VASH2: variants seen among roughly 807,000 people sequenced by gnomAD.
VASH2 encodes vasohibin 2.
VASH2 carries 28 observed loss-of-function variants against 37.2 expected under a neutral mutation model. That is an observed-to-expected ratio of 0.75 (90% CI 0.56 to 1.03). VASH2 has a LOEUF of 1.03. Among genes scored for constraint, VASH2 ranks in the 50% least tolerant of loss-of-function variants. The pLI, the probability that VASH2 is intolerant of heterozygous loss-of-function variation, is 0.00. For synonymous variants in VASH2, 188 were observed against 174.7 expected (o/e 1.08, Z -0.60); for missense variants, 419 against 459.1 (o/e 0.91, Z 0.80).
intron 2 of VASH2, among the ~76,000 whole-genome samples, chr1:212,953,235 G>GC (rs56389156): frequency 0.35 from 52,460 of 151,744 alleles, 10,958 homozygotes; most frequent in Non-Finnish European, 0.47. Flanking sequence ...GTGCGCGGGG[G>GC]GGGGTGCATT....
chr1:212,956,444 CG>C lies in VASH2; in HGVS notation c.276+4628del, dbSNP rs372913356. On this transcript the variant is annotated intron_variant, in intron 2 of 7. Coordinates refer to ENST00000517399, the MANE Select transcript of VASH2 (RefSeq NM_001301056.2). The stretch of plus-strand genomic sequence containing the variant: ...GATTGTGCCTTCATCAGCCTGGCCA[CG>C]GCTGTGGGGCTAACGTAGGCAGCAG... Among the ~76,000 whole-genome samples the C allele has an allele frequency of 1.9e-3, 285 of 152,256 alleles. 1 individual carries two copies. The highest frequency in any genetic ancestry group is 3.0e-3 in the Non-Finnish European group (205 of 68,018).
At chr1:212,962,064 G>A (rs993031413) in intron 3 of VASH2, among the ~76,000 whole-genome samples, 1 of 152,178 alleles carries the variant, frequency 6.6e-6, no homozygotes, top group Non-Finnish European at 1.5e-5. Context: ...TACATGAATG[G>A]TTCGGCTTCT....
chr1:212,968,475 CTG>C (rs1217320166), intron 5 of VASH2: 1 of 985,366 alleles, frequency 1.0e-6, no homozygotes, highest in Non-Finnish European at 1.2e-6. Flanking sequence ...AGGAGAATCT[CTG>C]TGCCTCTCTG....
At chr1:212,958,214 A>G (rs1345822867) in intron 2 of VASH2, among the ~76,000 whole-genome samples, 1 of 152,178 alleles carries the variant, frequency 6.6e-6, no homozygotes, top group Non-Finnish European at 1.5e-5. Flanking sequence ...TGGACCCTCC[A>G]GGCTGAGCCC....
intron 7 of VASH2, among the ~76,000 whole-genome samples, chr1:212,984,623 G>T (rs1667426555): frequency 6.6e-6 from 1 of 152,186 alleles, no homozygotes; most frequent in African/African-American, 2.4e-5. Flanking sequence ...GGTGTGACTT[G>T]GTGTTGAGGA....
At chr1:212,974,803 T>C (rs987577305) in intron 7 of VASH2, 2 of 152,262 alleles carry the variant, frequency 1.3e-5, no homozygotes, top group Admixed American at 6.5e-5. Flanking sequence ...GCTGGAACCA[T>C]GTGGCACAGT....
At chr1:212,986,015 G>T (rs1267330302) in intron 7 of VASH2, among the ~76,000 whole-genome samples, 1 of 152,110 alleles carries the variant, frequency 6.6e-6, no homozygotes, top group East Asian at 1.9e-4. Flanking sequence ...TGGATGTTGA[G>T]GGGCAACTAA....
intron 5 of VASH2, among the ~76,000 whole-genome samples, chr1:212,970,719 G>A (rs1249809367): frequency 6.6e-6 from 1 of 151,910 alleles, no homozygotes; most frequent in African/African-American, 2.4e-5. Flanking sequence ...GTGAAACCCC[G>A]TCTTTACTAA....
intron 7 of VASH2, among the ~76,000 whole-genome samples, chr1:212,985,250 A>G (rs1427137666): frequency 8.3e-6 from 1 of 120,914 alleles, no homozygotes; most frequent in Non-Finnish European, 1.6e-5. Context: ...CGTGGTGCCC[A>G]GGCTGGTCTG....
Position 212,951,728 on chromosome 1 carries a change from C to T in VASH2, c.186C>T (p.Thr62=), listed in dbSNP as rs747873360. ...GCGGCTTCCCCATCGACAGCCACAC[C>T]TGGGAGCGCATGTGGATGCACGTGG... is the stretch of plus-strand genomic sequence containing the variant. ...NKSGFPIDSH[T]WERMWMHVAK... is the part of the protein sequence containing the mutation. The change falls in exon 2 of 8, where the codon ACC becomes ACT. Residue 62 remains threonine, a synonymous_variant. Transcript: ENST00000517399. The surrounding 1 kb of genome is among the most constrained non-coding windows in gnomAD (Gnocchi z 4.4). The T allele has an allele frequency of 1.2e-5, 19 of 1,606,616 alleles. No homozygotes were observed. The highest frequency in any genetic ancestry group is 3.4e-5 in the Admixed American group (2 of 58,686).
At chr1:212,955,291 C>G (rs999459276) in intron 2 of VASH2, among the ~76,000 whole-genome samples, 1 of 152,120 alleles carries the variant, frequency 6.6e-6, no homozygotes, top group Non-Finnish European at 1.5e-5. Context: ...CAGGACATTC[C>G]CTTAGCAGCC....
intron 2 of VASH2, among the ~76,000 whole-genome samples, chr1:212,957,617 CT>C (rs1056304168): frequency 0.08 from 10,989 of 137,316 alleles, 749 homozygotes; most frequent in African/African-American, 0.2. Flanking sequence ...ACAGCTTACA[CT>C]TTTTTTTTTT....
chr1:212,980,342 T>A (rs952637686), intron 7 of VASH2, among the ~76,000 whole-genome samples: 7 of 152,248 alleles, frequency 4.6e-5, no homozygotes, highest in African/African-American at 1.7e-4. Context: ...TGAGGACCCA[T>A]GAGAACCTCT....
At chr1:212,953,322 C>T (rs1558139347) in intron 2 of VASH2, among the ~76,000 whole-genome samples, 2 of 152,132 alleles carry the variant, frequency 1.3e-5, no homozygotes, top group South Asian at 4.1e-4. Flanking sequence ...CCTCCTCTTT[C>T]TGAAGACCTC....
chr1:212,968,005 G>A (rs1372586840), intron 5 of VASH2: 2 of 164,400 alleles, frequency 1.2e-5, no homozygotes, highest in Admixed American at 1.3e-4. Context: ...GATGGGAGGA[G>A]TTATTGGAGA....
chr1:212,981,895 G>T (rs914681884), intron 7 of VASH2, among the ~76,000 whole-genome samples: 5 of 152,200 alleles, frequency 3.3e-5, no homozygotes, highest in Admixed American at 3.3e-4. Context: ...TCACTTTCTG[G>T]TTCTGAGGCT....
chr1:212,954,816 C>A (rs1250947839), intron 2 of VASH2, among the ~76,000 whole-genome samples: 2 of 152,168 alleles, frequency 1.3e-5, no homozygotes, highest in African/African-American at 2.4e-5. Flanking sequence ...ATCCCCAGCC[C>A]AAATGTGGAC....
chr1:212,966,192 G>A (rs1666836042), intron 4 of VASH2, 79 bp from the exon 5 acceptor site: 1 of 1,256,496 alleles, frequency 8.0e-7, no homozygotes, highest in Non-Finnish European at 1.1e-6. Context: ...GTGGGGACAG[G>A]CATGCTGATG....
chr1:212,988,154 T>C (rs1215165611), intron 7 of VASH2, among the ~76,000 whole-genome samples: 1 of 152,198 alleles, frequency 6.6e-6, no homozygotes, highest in Non-Finnish European at 1.5e-5. Flanking sequence ...TTGACTCAGA[T>C]TCTTGGCTCT....
Sources: allele counts gnomAD v4.1 joint callset (sites outside exome capture counted in the v4.1 genomes callset), GRCh38; gene constraint gnomAD v4.1.1; non-coding constraint Gnocchi (gnomAD v3.1); transcripts MANE v1.5; gene names NCBI Gene and HGNC (gene_info 2026-07-23, HGNC 2026-07-21).